TFB1M: variants seen among roughly 807,000 people sequenced by gnomAD.
TFB1M encodes dimethyladenosine transferase 1, mitochondrial.
Under a neutral mutation model 31.1 loss-of-function variants are expected in TFB1M, and 27 were observed. That is an observed-to-expected ratio of 0.87 (90% CI 0.64 to 1.20). TFB1M has a LOEUF of 1.20. Ranked by LOEUF, TFB1M falls within the 50% of genes most tolerant of loss-of-function variation. The pLI, the probability that TFB1M is intolerant of heterozygous loss-of-function variation, is 0.00. For missense variants in TFB1M, 394 were observed against 418.7 expected, an observed-to-expected ratio of 0.94 and a Z score of 0.51; for synonymous variants, 166 against 151.8, an observed-to-expected ratio of 1.09 and a Z score of -0.69.
At chr6:155,244,696 G>A in the TFB1M span, 2 of 1,614,074 alleles carry the variant, frequency 1.2e-6, no homozygotes, top group Non-Finnish European at 1.7e-6. Flanking sequence ...AGATGCTTGA[G>A]TTTCAGAAGG....
chr6:155,275,284 C>A (rs1785129879), intron 5 of TFB1M, among the ~76,000 whole-genome samples: 1 of 152,106 alleles, frequency 6.6e-6, no homozygotes, highest in Non-Finnish European at 1.5e-5. Flanking sequence ...TATTAAAATT[C>A]TTTATCAGAT....
chr6:155,246,428 C>T, the TFB1M span, among the ~76,000 whole-genome samples: 1 of 152,194 alleles, frequency 6.6e-6, no homozygotes, highest in Non-Finnish European at 1.5e-5. Flanking sequence ...TTGCTTTAGA[C>T]AGTTGCTGAA....
At chr6:155,249,302 G>A in the TFB1M span, among the ~76,000 whole-genome samples, 1 of 152,194 alleles carries the variant, frequency 6.6e-6, no homozygotes, top group African/African-American at 2.4e-5. Flanking sequence ...CTGTCAGTCA[G>A]TCATGTACTG....
At chr6:155,297,882 C>A (rs976588767) in intron 3 of TFB1M, among the ~76,000 whole-genome samples, 1 of 152,188 alleles carries the variant, frequency 6.6e-6, no homozygotes, top group African/African-American at 2.4e-5. Flanking sequence ...ACTGCAAGTG[C>A]GGCCCAACTG....
intron 5 of TFB1M, among the ~76,000 whole-genome samples, chr6:155,277,135 C>T (rs1386011165): frequency 6.6e-6 from 1 of 152,226 alleles, no homozygotes; most frequent in Non-Finnish European, 1.5e-5. Context: ...CTCCCTTCTT[C>T]TGCTTCTAGC....
chr6:155,238,786 G>C, the TFB1M span, among the ~76,000 whole-genome samples: 1 of 152,176 alleles, frequency 6.6e-6, no homozygotes, highest in African/African-American at 2.4e-5. Flanking sequence ...CTATGCTTTG[G>C]GGTTTCCAGC....
rs114984300 is a variant in TFB1M, at chr6:155,308,323, C to T, written c.285+2865G>A. ...TTTCTAGTGCTCCAATGGAATAACA[C>T]GACTTCCTCCTATACCTCTTTCCAG... is the stretch of plus-strand genomic sequence containing the variant. On this transcript the variant is annotated intron_variant, in intron 2 of 6. Transcript: ENST00000367166. Among the ~76,000 whole-genome samples the T allele has an allele frequency of 8.0e-3, 1,212 of 152,284 alleles. 18 individuals are homozygous for T. The highest frequency in any genetic ancestry group is 0.028 in the African/African-American group (1,170 of 41,554).
intron 3 of TFB1M, among the ~76,000 whole-genome samples, chr6:155,298,012 T>C (rs771227292): frequency 8.5e-5 from 13 of 152,216 alleles, no homozygotes; most frequent in Non-Finnish European, 1.3e-4. Flanking sequence ...TATTTATCTA[T>C]GCATTCTGAA....
chr6:155,241,691 C>T, the TFB1M span, among the ~76,000 whole-genome samples: 1 of 152,162 alleles, frequency 6.6e-6, no homozygotes, highest in Non-Finnish European at 1.5e-5. Flanking sequence ...TTCTTTTGGC[C>T]TCAGAGGGGA....
chr6:155,230,001 T>C, the TFB1M span, among the ~76,000 whole-genome samples: 70 of 152,050 alleles, frequency 4.6e-4, no homozygotes, highest in African/African-American at 1.5e-3. Context: ...CCATGACACA[T>C]GGGAATCATT....
intron 4 of TFB1M, among the ~76,000 whole-genome samples, chr6:155,286,555 ATATATATG>A (rs1238863846): frequency 9.5e-5 from 14 of 147,780 alleles, no homozygotes; most frequent in African/African-American, 3.0e-4. Context: ...ATATGTGTGT[ATATATATG>A]TATATATATA....
chr6:155,254,721 T>C (rs1469668812), downstream of TFB1M: 12 of 1,012,392 alleles, frequency 1.2e-5, no homozygotes, highest in African/African-American at 3.2e-5. Context: ...AACATGCCTC[T>C]TGCTCCCAGA....
rs973519896 is a variant in TFB1M at position 155,257,934 on chromosome 6, G to T, written c.943C>A (p.Pro315Thr). ...CTGAAATTATATGCAAAGAGTTGTG[G>T]GTCTTCATCACACATTTTTCTGTAT... is the stretch of plus-strand genomic sequence containing the variant. ...DVYRKMCDED[P>T]QLFAYNFREE... Residue 315 changes from proline to threonine, a missense_variant, in exon 7 of 7, where the codon CCA (proline) becomes ACA (threonine). This residue lies in a region of TFB1M where 115 missense variants were observed against 144.1 expected (regional missense o/e 0.80). Coordinates refer to ENST00000367166, the MANE Select transcript of TFB1M (RefSeq NM_016020.4). 6.2e-7 allele frequency: 1 copy of T among 1,614,076 alleles called. No homozygotes were observed. The highest frequency in any genetic ancestry group is 1.1e-5 in the South Asian group (1 of 91,082).
chr6:155,253,355 C>T, downstream of TFB1M: 1 of 320,534 alleles, frequency 3.1e-6, no homozygotes, highest in Non-Finnish European at 5.7e-6. Context: ...AACAAAGATC[C>T]ACAAATTTAT....
rs764834167 is a variant in TFB1M at position 155,314,449 on chromosome 6, C to G, written c.-21G>C. 1 of 1,614,030 alleles carries G rather than the reference C, an allele frequency of 6.2e-7. No individual in the cohort carries two copies. Among genetic ancestry groups the G allele is most frequent in the Non-Finnish European group, 8.5e-7 (1 of 1,179,978 alleles). On this transcript the variant is annotated 5_prime_UTR_variant, in exon 1 of 7. Transcript: ENST00000367166. ...GCCATGATACGCGGCAAGCACCATC[C>G]AACCCTACCTCACCCAGGACCTTCA... is the stretch of plus-strand genomic sequence containing the variant.
At position 155,257,376 on chromosome 6, in the gene TFB1M, T is replaced by G. The variant is rs1583301042; in HGVS notation, c.*460A>C. 2 of 445,544 alleles carry G rather than the reference T, an allele frequency of 4.5e-6. No individual in the cohort carries two copies. The highest frequency in any genetic ancestry group is 4.2e-5 in the Admixed American group (1 of 24,086). 27.6% of individuals were successfully genotyped at this position (445,544 alleles called of 1,614,324 possible). ...TGAGCAGGTATCAAATGATTTAGGA[T>G]CCTTAAAATTACATTCTAATAATTA... On this transcript the variant is annotated 3_prime_UTR_variant, in exon 7 of 7. Transcript: ENST00000367166.
chr6:155,288,552 C>A (rs551279227), intron 4 of TFB1M, among the ~76,000 whole-genome samples: 1 of 152,096 alleles, frequency 6.6e-6, no homozygotes, highest in Non-Finnish European at 1.5e-5. Flanking sequence ...ATCCAACTGG[C>A]ACAATTCAAA....
At chr6:155,301,597 G>A (rs1268522393) in intron 2 of TFB1M, among the ~76,000 whole-genome samples, 1 of 152,162 alleles carries the variant, frequency 6.6e-6, no homozygotes, top group African/African-American at 2.4e-5. Context: ...CCAGATTACA[G>A]CCAAATGAGT....
rs1784161740 is a variant in TFB1M, at chr6:155,257,741, G to A, written c.*95C>T. 6.8e-7 allele frequency: 1 copy of A among 1,469,820 alleles called. No individual in the cohort carries two copies. Among genetic ancestry groups the A allele is most frequent in the East Asian group, 2.3e-5 (1 of 44,076 alleles). The allele number at this position is 1,469,820 out of a possible 1,614,324, so 91.0% of individuals were successfully genotyped here. A position where few individuals can be genotyped will look rare whatever the true frequency, so the allele number is the denominator to read the frequency against. The stretch of plus-strand genomic sequence containing the variant: ...AAGTCACATCTGGTCATTGGCATTT[G>A]TATCGTCATTCTGTAAAGACAAAAG... On this transcript the variant is annotated 3_prime_UTR_variant, in exon 7 of 7. Transcript: ENST00000367166.
Sources: allele counts gnomAD v4.1 joint callset (sites outside exome capture counted in the v4.1 genomes callset), GRCh38; gene constraint gnomAD v4.1.1; regional missense constraint gnomAD v4.1.1; transcripts MANE v1.5; gene names NCBI Gene and HGNC (gene_info 2026-07-23, HGNC 2026-07-21).